The following ABI3BP variants were observed in gnomAD, a reference collection of about 807,000 sequenced individuals.
The protein encoded by ABI3BP is target of Nesh-SH3.
Under a neutral mutation model 268.6 loss-of-function variants are expected in ABI3BP, and 216 were observed. That is an observed-to-expected ratio of 0.80 (90% CI 0.72 to 0.90). ABI3BP has a LOEUF of 0.90. Among genes scored for constraint, ABI3BP ranks in the 40% least tolerant of loss-of-function variants. ABI3BP has a pLI of 0.00. For synonymous variants in ABI3BP, 730 were observed against 730.0 expected (o/e 1.00, Z 0.00); for missense variants, 2,090 against 2,182.4 (o/e 0.96, Z 0.84).
chr3:100,883,070 A>G (rs1055225684), intron 6 of ABI3BP, among the ~76,000 whole-genome samples: 3 of 152,168 alleles, frequency 2.0e-5, no homozygotes, highest in Non-Finnish European at 2.9e-5. Context: ...GCACAATTCA[A>G]TACATAAATA....
At chr3:100,889,094 C>T (rs917227748) in intron 4 of ABI3BP, among the ~76,000 whole-genome samples, 1 of 152,066 alleles carries the variant, frequency 6.6e-6, no homozygotes, top group Non-Finnish European at 1.5e-5. Flanking sequence ...TATTTTGCAA[C>T]ACATCATTGC....
At chr3:100,851,693 A>C (rs1159797104) in intron 15 of ABI3BP, among the ~76,000 whole-genome samples, 182 bp downstream of exon 15, 4 of 152,212 alleles carry the variant, frequency 2.6e-5, no homozygotes, top group African/African-American at 7.2e-5. Context: ...TTACTGAGAG[A>C]TGTAAAGAAC....
intron 1 of ABI3BP, among the ~76,000 whole-genome samples, chr3:100,983,595 TA>T (rs1447615147): frequency 6.6e-6 from 1 of 152,202 alleles, no homozygotes; most frequent in East Asian, 1.9e-4. Context: ...TAAATGAGGA[TA>T]AAGAATTAAC....
chr3:100,753,484 A>C (rs1210642781), intron 65 of ABI3BP, among the ~76,000 whole-genome samples: 1 of 151,806 alleles, frequency 6.6e-6, no homozygotes, highest in Admixed American at 6.6e-5. Flanking sequence ...GTAGAGAGGG[A>C]GTCTCATTAC....
chr3:100,941,447 C>T (rs543291693), intron 1 of ABI3BP, among the ~76,000 whole-genome samples: 62 of 152,128 alleles, frequency 4.1e-4, no homozygotes, highest in Non-Finnish European at 8.1e-4. Flanking sequence ...AAGACGGTTA[C>T]TTTCGAATTT....
intron 1 of ABI3BP, among the ~76,000 whole-genome samples, chr3:100,930,357 C>A (rs188265419): frequency 1.2e-4 from 18 of 151,810 alleles, no homozygotes; most frequent in Admixed American, 7.9e-4. Context: ...CACTAGTAGG[C>A]CTTAGACAAA....
intron 1 of ABI3BP, among the ~76,000 whole-genome samples, chr3:100,979,687 C>T (rs1349928648): frequency 1.3e-5 from 2 of 152,016 alleles, no homozygotes; most frequent in African/African-American, 4.8e-5. Flanking sequence ...CTTTGGAAAA[C>T]ACCACAGTAA....
intron 57 of ABI3BP, among the ~76,000 whole-genome samples, chr3:100,787,338 T>A (rs917384307): frequency 6.6e-5 from 10 of 152,258 alleles, no homozygotes; most frequent in African/African-American, 2.2e-4. Context: ...TCAAAAAAAA[T>A]TTTAATGGTA....
intron 51 of ABI3BP, among the ~76,000 whole-genome samples, chr3:100,797,562 G>GTTTT (rs575648416): frequency 7.7e-6 from 1 of 129,654 alleles, no homozygotes. Context: ...TGAAGAAACT[G>GTTTT]TTTTTTTTTT....
At chr3:100,897,368 C>G (rs529991422) in intron 4 of ABI3BP, among the ~76,000 whole-genome samples, 50 of 151,736 alleles carry the variant, frequency 3.3e-4, no homozygotes, top group African/African-American at 1.2e-3. Context: ...AAATTTTATG[C>G]GAAAATGTTT....
At chr3:100,756,387 T>C (rs904862163) in intron 63 of ABI3BP, among the ~76,000 whole-genome samples, 2 of 152,212 alleles carry the variant, frequency 1.3e-5, no homozygotes, top group Non-Finnish European at 2.9e-5. Context: ...TAGCTGGGCA[T>C]GGTGGCACAT....
At chr3:100,856,595 A>G (rs1367229097) in intron 14 of ABI3BP, among the ~76,000 whole-genome samples, 1 of 152,204 alleles carries the variant, frequency 6.6e-6, no homozygotes, top group African/African-American at 2.4e-5. Flanking sequence ...AGGCAGGAGG[A>G]TTTCCTAAGG....
chr3:100,899,712 TTAGAG>T (rs1262248427), intron 3 of ABI3BP, among the ~76,000 whole-genome samples: 1 of 152,196 alleles, frequency 6.6e-6, no homozygotes, highest in African/African-American at 2.4e-5. Context: ...TTGAAAATAA[TTAGAG>T]TAAATAAGAT....
At position 100,840,138 on chromosome 3, in the gene ABI3BP, G is replaced by T; in HGVS notation, c.1831C>A (p.Arg611Ser). 6.5e-7 allele frequency: 1 copy of T among 1,532,550 alleles called. No individual in the cohort carries two copies. Among genetic ancestry groups the T allele is most frequent in the South Asian group, 1.2e-5 (1 of 83,716 alleles). The allele number at this position is 1,532,550 out of a possible 1,614,324, so 94.9% of individuals were successfully genotyped here. A position where few individuals can be genotyped will look rare whatever the true frequency, so the allele number is the denominator to read the frequency against. Reference sequence around the variant, plus strand: ...GGGCGGGGACGGGGGCGGGGGCGACGACCTGGTCTTTTGGTCTTTCGTGGT... The same window carrying T: ...GGGCGGGGACGGGGGCGGGGGCGACTACCTGGTCTTTTGGTCTTTCGTGGT... ...LAPRKTKRPG[R>S]RPRPRPRPKT... The change falls in exon 23 of 68, where the codon CGT becomes AGT. Residue 611 changes from arginine (R) to serine (S), a missense_variant. Coordinates refer to ENST00000471714, the MANE Select transcript of ABI3BP (RefSeq NM_001375547.2).
intron 57 of ABI3BP, among the ~76,000 whole-genome samples, chr3:100,784,073 A>T (rs934400004): frequency 5.9e-5 from 9 of 152,248 alleles, no homozygotes; most frequent in Admixed American, 3.3e-4. Context: ...CTACACATAC[A>T]TGCATAAAAT....
rs764210659 is a variant in ABI3BP, at chr3:100,820,203, C to A, written c.3031+17G>T. On this transcript the variant is annotated intron_variant, in intron 40 of 67. Coordinates refer to ENST00000471714, the MANE Select transcript of ABI3BP (RefSeq NM_001375547.2). Reference sequence around the variant, plus strand: ...AGCAGCTAGGATGAGCTACTTTAACCAGAAACCCAAATTTACCCAGTTTGG... The same window carrying A: ...AGCAGCTAGGATGAGCTACTTTAACAAGAAACCCAAATTTACCCAGTTTGG... 27 of 1,532,962 alleles carry A rather than the reference C, an allele frequency of 1.8e-5. No homozygotes were observed. In the Admixed American group the frequency reaches 2.2e-4, roughly 12 times the overall value. 95.0% of individuals were successfully genotyped at this position (1,532,962 alleles called of 1,614,324 possible).
intron 32 of ABI3BP, 83 bp downstream of exon 32, chr3:100,830,495 G>T: frequency 8.5e-7 from 1 of 1,172,646 alleles, no homozygotes; most frequent in Non-Finnish European, 1.2e-6. Flanking sequence ...TTGTGAAGCG[G>T]GAGAAGCTGT....
In ABI3BP at chr3:100,751,685, A is replaced by G. The variant is rs1225836232; in HGVS notation, c.5123-11T>C. On this transcript the variant is annotated splice_polypyrimidine_tract_variant and intron_variant, in intron 66 of 67. Coordinates refer to ENST00000471714, the MANE Select transcript of ABI3BP (RefSeq NM_001375547.2). ...TGTTATAAAATTTTCCTGAAGAACC[A>G]GAAATTAAAAGGATAAAGTTTACTT... 1 of 1,581,194 alleles carries G rather than the reference A, an allele frequency of 6.3e-7. No individual in the cohort carries two copies. The highest frequency in any genetic ancestry group is 8.6e-7 in the Non-Finnish European group (1 of 1,163,588).
At chr3:100,981,056 A>T (rs1406848548) in intron 1 of ABI3BP, among the ~76,000 whole-genome samples, 1 of 152,248 alleles carries the variant, frequency 6.6e-6, no homozygotes, top group Non-Finnish European at 1.5e-5. Context: ...AGCCAAAGCC[A>T]TCTAGGAATG....
Sources: allele counts gnomAD v4.1 joint callset (sites outside exome capture counted in the v4.1 genomes callset), GRCh38; gene constraint gnomAD v4.1.1; transcripts MANE v1.5; gene names NCBI Gene and HGNC (gene_info 2026-07-23, HGNC 2026-07-21).